The following PDE4B variants were observed in gnomAD, a reference collection of about 807,000 sequenced individuals.
PDE4B encodes the protein 3',5'-cyclic-AMP phosphodiesterase 4B.
In PDE4B, 20 loss-of-function variants were observed where a neutral mutation model predicts 82.2. The ratio of observed to expected loss-of-function variants is 0.24; its 90% confidence interval spans 0.17 to 0.35. The LOEUF (loss-of-function observed/expected upper bound fraction) is 0.35, where lower values mean the gene tolerates loss of function less well. Among genes scored for constraint, PDE4B ranks in the 10% least tolerant of loss-of-function variants. The pLI, the probability that PDE4B is intolerant of heterozygous loss-of-function variation, is 1.00. For synonymous variants in PDE4B, 320 were observed against 318.9 expected (o/e 1.00, Z -0.04); for missense variants, 655 against 907.2 (o/e 0.72, Z 3.57).
At chr1:65,846,352 T>C (rs1453423152) in intron 1 of PDE4B, among the ~76,000 whole-genome samples, 2 of 152,186 alleles carry the variant, frequency 1.3e-5, no homozygotes, top group African/African-American at 4.8e-5. Context: ...GAATAAAGTA[T>C]ATTTTAATAG....
chr1:65,918,833 G>A lies in PDE4B; in HGVS notation c.279G>A (p.Glu93=), dbSNP rs367782903. The change falls in exon 3 of 17, where the codon GAG becomes GAA. Residue 93 remains glutamate, a splice_region_variant and synonymous_variant. Transcript: ENST00000341517. ...PSIAITTVSQ[E]CFDVENGPSP... ...TTGCTATTACAACTGTAAGCCAGGA[G>A]TGGTGAGTAGCCTCAAAATCAAATG... The A allele has an allele frequency of 6.4e-6, 10 of 1,554,258 alleles. No individual in the cohort carries two copies. The highest frequency in any genetic ancestry group is 7.1e-6 in the Non-Finnish European group (8 of 1,125,872).
intron 3 of PDE4B, among the ~76,000 whole-genome samples, chr1:66,064,988 T>G (rs1191627375): frequency 6.6e-6 from 1 of 151,958 alleles, no homozygotes; most frequent in African/African-American, 2.4e-5. Flanking sequence ...TTTTAAATAA[T>G]AAATACAAAA....
intron 3 of PDE4B, among the ~76,000 whole-genome samples, chr1:66,199,471 T>A (rs1648674083): frequency 6.6e-6 from 1 of 152,202 alleles, no homozygotes; most frequent in Non-Finnish European, 1.5e-5. Context: ...TTTGTTTGTT[T>A]TTTTCTTGTA....
intron 1 of PDE4B, among the ~76,000 whole-genome samples, chr1:65,838,479 ATATACG>A (rs1271904179): frequency 2.0e-5 from 3 of 148,688 alleles, no homozygotes; most frequent in African/African-American, 7.4e-5. Flanking sequence ...GTCACTATAT[ATATACG>A]TATATGTATA....
At chr1:66,207,959 C>T (rs1176281100) in intron 3 of PDE4B, among the ~76,000 whole-genome samples, 1 of 152,062 alleles carries the variant, frequency 6.6e-6, no homozygotes, top group African/African-American at 2.4e-5. Context: ...GTGTAGCTTC[C>T]CAGGTGCTAA....
chr1:66,150,936 GA>G (rs2101193757), intron 3 of PDE4B, among the ~76,000 whole-genome samples: 1 of 152,064 alleles, frequency 6.6e-6, no homozygotes, highest in East Asian at 1.9e-4. Flanking sequence ...CAATTCGCTA[GA>G]ATTTTGTTGA....
chr1:65,800,951 A>G (rs997080880), intron 1 of PDE4B, among the ~76,000 whole-genome samples: 5 of 152,208 alleles, frequency 3.3e-5, no homozygotes, highest in South Asian at 2.1e-4. Flanking sequence ...CTGAATATCA[A>G]TTCATCCCCT....
intron 3 of PDE4B, among the ~76,000 whole-genome samples, chr1:66,116,779 G>T (rs980005669): frequency 3.9e-5 from 6 of 152,144 alleles, no homozygotes; most frequent in African/African-American, 7.2e-5. Flanking sequence ...TGCCCAGGCT[G>T]GTCTCCAGCT....
chr1:66,213,608 A>G (rs1650231606), intron 3 of PDE4B, among the ~76,000 whole-genome samples: 1 of 152,190 alleles, frequency 6.6e-6, no homozygotes, highest in Admixed American at 6.6e-5. Context: ...AAACCTGAAT[A>G]TGTAAGCAAT....
At chr1:66,236,459 A>G (rs1652465345) in intron 3 of PDE4B, among the ~76,000 whole-genome samples, 1 of 152,082 alleles carries the variant, frequency 6.6e-6, no homozygotes, top group South Asian at 2.1e-4. Flanking sequence ...TTTGTATAGA[A>G]CCAGATTTCC....
intron 3 of PDE4B, among the ~76,000 whole-genome samples, chr1:66,109,142 T>G (rs1645431279): frequency 6.6e-6 from 1 of 151,964 alleles, no homozygotes; most frequent in Admixed American, 6.6e-5. Flanking sequence ...TGTTGTATAA[T>G]GCCATGGTAC....
intron 7 of PDE4B, among the ~76,000 whole-genome samples, chr1:66,297,681 A>G (rs1315784953): frequency 2.0e-5 from 3 of 152,106 alleles, no homozygotes; most frequent in Non-Finnish European, 2.9e-5. Context: ...TATGATAATA[A>G]TGTTACTCCA....
At chr1:66,220,071 A>G (rs964167581) in intron 3 of PDE4B, among the ~76,000 whole-genome samples, 1 of 152,140 alleles carries the variant, frequency 6.6e-6, no homozygotes, top group Non-Finnish European at 1.5e-5. Context: ...AATTTCCAAG[A>G]GCTGGAAAAA....
Position 66,073,853 on chromosome 1 carries a change from A to G in PDE4B, c.281+155018A>G, listed in dbSNP as rs576842842. 3.3e-5 allele frequency among the ~76,000 whole-genome samples: 5 copies of G among 152,248 alleles called. No individual in the cohort carries two copies. In the East Asian group the frequency reaches 5.8e-4, roughly 18 times the overall value. On this transcript the variant is annotated intron_variant, in intron 3 of 16. Coordinates refer to ENST00000341517, the MANE Select transcript of PDE4B (RefSeq NM_002600.4). ...AATGAATCCTAGGAAGGGTGTGTGT[A>G]TTACTTAATGGTATGAAAACCATAT... is the stretch of plus-strand genomic sequence containing the variant.
intron 7 of PDE4B, among the ~76,000 whole-genome samples, chr1:66,323,527 G>A (rs1228814155): frequency 2.0e-5 from 3 of 152,064 alleles, no homozygotes; most frequent in Non-Finnish European, 4.4e-5. Flanking sequence ...GTTTCATGAT[G>A]TGCCTACAAC....
chr1:66,078,115 C>T (rs13374600), intron 3 of PDE4B, among the ~76,000 whole-genome samples: 2 of 151,844 alleles, frequency 1.3e-5, no homozygotes, highest in African/African-American at 2.4e-5. Flanking sequence ...ATACTGAGTC[C>T]ATTTTTTTAA....
At chr1:66,075,728 G>A (rs1178730051) in intron 3 of PDE4B, among the ~76,000 whole-genome samples, 1 of 152,024 alleles carries the variant, frequency 6.6e-6, no homozygotes, top group Non-Finnish European at 1.5e-5. Flanking sequence ...CCATGCAACG[G>A]GAAGAAGACC....
At chr1:65,967,095 C>T (rs570249165) in intron 3 of PDE4B, among the ~76,000 whole-genome samples, 9 of 152,102 alleles carry the variant, frequency 5.9e-5, no homozygotes, top group Non-Finnish European at 1.2e-4. Context: ...TCAGTGTGAA[C>T]AGGCAACCTA....
At chr1:66,121,301 T>C (rs768971019) in intron 3 of PDE4B, among the ~76,000 whole-genome samples, 2 of 152,106 alleles carry the variant, frequency 1.3e-5, no homozygotes, top group Non-Finnish European at 2.9e-5. Context: ...AGCTGAGACT[T>C]GGAAAAATGG....
Sources: allele counts gnomAD v4.1 joint callset (sites outside exome capture counted in the v4.1 genomes callset), GRCh38; gene constraint gnomAD v4.1.1; transcripts MANE v1.5; gene names NCBI Gene and HGNC (gene_info 2026-07-23, HGNC 2026-07-21).